MFN2: variants seen among roughly 807,000 people sequenced by gnomAD.
MFN2 encodes the protein mitofusin-2.
Under a neutral mutation model 87.5 loss-of-function variants are expected in MFN2, and 43 were observed. The observed-to-expected ratio is 0.49, with a 90% CI of 0.38 to 0.63. The LOEUF (loss-of-function observed/expected upper bound fraction) is 0.63, where lower values mean the gene tolerates loss of function less well. Among genes scored for constraint, MFN2 ranks in the 30% least tolerant of loss-of-function variants. MFN2 has a pLI of 0.00. For missense variants in MFN2, 743 were observed against 972.8 expected, an observed-to-expected ratio of 0.76 and a Z score of 3.14; for synonymous variants, 337 against 359.9, an observed-to-expected ratio of 0.94 and a Z score of 0.72.
At chr1:11,998,172 G>A (rs1215369379) in intron 6 of MFN2, among the ~76,000 whole-genome samples, 5 of 151,760 alleles carry the variant, frequency 3.3e-5, no homozygotes, top group South Asian at 4.2e-4. Context: ...ATGAGCCACT[G>A]TGCCCCGCCT....
In MFN2 at chr1:12,004,635, C is replaced by T. The variant is rs199693982; in HGVS notation, c.1392+22C>T. 1.4e-4 allele frequency: 223 copies of T among 1,608,168 alleles called. No homozygotes were observed. The African/African-American group carries it at 2.8e-3, about 20-fold the overall frequency. On this transcript the variant is annotated intron_variant, in intron 13 of 18. Transcript: ENST00000235329. This position sits in a 1 kb window ranked among gnomAD's most constrained non-coding sequence, Gnocchi z 4.2. ...GAATGTGAGTCATGGAGCAACAGGT[C>T]CTCTTGGCAGGAGGCCCCCAAAAGT...
At chr1:11,989,924 G>A (rs1638601625) in intron 3 of MFN2, among the ~76,000 whole-genome samples, 2 of 152,316 alleles carry the variant, frequency 1.3e-5, no homozygotes, top group Admixed American at 6.5e-5. Context: ...GGCCCCGCTC[G>A]TCTGAGTGTC....
At chr1:11,996,035 G>T in intron 4 of MFN2, 121 bp from the exon 5 acceptor site, 4 of 1,265,332 alleles carry the variant, frequency 3.2e-6, no homozygotes, top group Non-Finnish European at 4.6e-6. Flanking sequence ...TCTCAGCACT[G>T]TCTGGGCACT....
intron 17 of MFN2, among the ~76,000 whole-genome samples, chr1:12,009,005 G>A (rs1336363331): frequency 6.6e-6 from 1 of 152,230 alleles, no homozygotes; most frequent in African/African-American, 2.4e-5. Context: ...GGAGACCAGC[G>A]CGGCCAACAC....
Position 12,010,860 on chromosome 1 carries a change from G to A in MFN2, c.2205-636G>A, listed in dbSNP as rs549224059. ...GGGACCCTGCAGAAGTCCTCGGCCT[G>A]CCTAGCCCATGATAGCATCAGCACA... On this transcript the variant is annotated intron_variant, in intron 18 of 18. Transcript: ENST00000235329. Among the ~76,000 whole-genome samples the A allele has an allele frequency of 2.6e-5, 4 of 152,042 alleles. No individual in the cohort carries two copies. The South Asian group carries it at 8.4e-4, about 32-fold the overall frequency.
chr1:12,004,439 C>A lies in MFN2; in HGVS notation c.1288-70C>A. On this transcript the variant is annotated intron_variant, in intron 12 of 18. Transcript: ENST00000235329. This position sits in a 1 kb window ranked among gnomAD's most constrained non-coding sequence, Gnocchi z 4.2. The stretch of plus-strand genomic sequence containing the variant: ...GGAAGGATGTGCCATCTGCTAGGAT[C>A]TCTCCTGGTGCTGCAGGAGTGAACT... 7.5e-7 allele frequency: 1 copy of A among 1,326,010 alleles called. No individual in the cohort carries two copies. The highest frequency in any genetic ancestry group is 1.1e-6 in the Non-Finnish European group (1 of 917,698). 82.1% of individuals were successfully genotyped at this position (1,326,010 alleles called of 1,614,324 possible).
chr1:11,985,553 A>C (rs966817886), intron 2 of MFN2, among the ~76,000 whole-genome samples: 2 of 141,688 alleles, frequency 1.4e-5, no homozygotes, highest in African/African-American at 5.4e-5. Context: ...TGCAAATTCT[A>C]CCTCCCAGGT....
intron 11 of MFN2, among the ~76,000 whole-genome samples, chr1:12,002,311 T>C (rs1261100529): frequency 1.3e-5 from 2 of 152,232 alleles, no homozygotes; most frequent in African/African-American, 4.8e-5. Context: ...CCCCACCTGG[T>C]CTGTGCAGCA....
At chr1:11,994,418 C>T (rs1210527585) in intron 4 of MFN2, among the ~76,000 whole-genome samples, 1 of 152,126 alleles carries the variant, frequency 6.6e-6, no homozygotes, top group East Asian at 1.9e-4. Context: ...GAAACCCCAT[C>T]TCTACTAAAA....
intron 3 of MFN2, 21 bp from the exon 4 acceptor site, chr1:11,992,534 A>G (rs1438451095): frequency 6.2e-7 from 1 of 1,614,050 alleles, no homozygotes; most frequent in Admixed American, 1.7e-5. Flanking sequence ...GTGGTGACCC[A>G]TTTTCAATCC....
intron 15 of MFN2, 22 bp from the exon 16 acceptor site, chr1:12,006,516 C>G (rs776282810): frequency 6.2e-7 from 1 of 1,613,796 alleles, no homozygotes; most frequent in Non-Finnish European, 8.5e-7. Flanking sequence ...CCCCCTCACC[C>G]CTCTCATGTT....
chr1:11,996,384 G>C, intron 5 of MFN2, 66 bp downstream of exon 5: 1 of 1,591,738 alleles, frequency 6.3e-7, no homozygotes, highest in Non-Finnish European at 8.6e-7. Flanking sequence ...GTTGTGACAC[G>C]GCTGACCTCA....
chr1:12,006,236 A>T (rs1639409577), intron 15 of MFN2, among the ~76,000 whole-genome samples: 1 of 151,830 alleles, frequency 6.6e-6, no homozygotes, highest in Admixed American at 6.5e-5. Flanking sequence ...TAAAGTTCAG[A>T]TTTTAAAAAC....
intron 3 of MFN2, among the ~76,000 whole-genome samples, chr1:11,989,670 G>A (rs914912181): frequency 1.1e-4 from 16 of 152,150 alleles, no homozygotes; most frequent in Non-Finnish European, 1.5e-5. Flanking sequence ...AATAGATCAG[G>A]GTTTTACCCA....
chr1:12,006,813 C>G lies in MFN2; in HGVS notation c.1872+120C>G, dbSNP rs1490844642. On this transcript the variant is annotated intron_variant, in intron 16 of 18. Transcript: ENST00000235329. ...CACTCCACAGTCCACTGCATACTTT[C>G]TCCTCTGTGATTGCATGGGGAGCGC... is the stretch of plus-strand genomic sequence containing the variant. 4.8e-6 allele frequency: 7 copies of G among 1,448,550 alleles called. No homozygotes were observed. In the East Asian group the frequency reaches 9.2e-5, roughly 19 times the overall value. The allele number at this position is 1,448,550 out of a possible 1,614,324, so 89.7% of individuals were successfully genotyped here.
rs35141271 is a variant in MFN2, at chr1:11,997,038, CAAA to C, written c.475-242_475-240del. ...TGGGTGACAGAGCGAGACTCCGTCT[CAAA>C]AAAAAAAAAAAAAAAAGAATCAATC... is the stretch of plus-strand genomic sequence containing the variant. On this transcript the variant is annotated intron_variant, in intron 5 of 18. Transcript: ENST00000235329. 2.4e-4 allele frequency among the ~76,000 whole-genome samples: 24 copies of C among 99,794 alleles called. No homozygotes were observed. In the South Asian group the frequency reaches 3.3e-3, roughly 14 times the overall value. The allele number at this position is 99,794 out of a possible 152,430, so 65.5% of individuals were successfully genotyped here.
chr1:12,009,598 G>C lies in MFN2; in HGVS notation c.2076G>C (p.Leu692=). 3 of 1,614,252 alleles carry C rather than the reference G, an allele frequency of 1.9e-6. No homozygotes were observed. The highest frequency in any genetic ancestry group is 2.5e-6 in the Non-Finnish European group (3 of 1,180,040). The change falls in exon 18 of 19, where the codon CTG becomes CTC. Residue 692 remains leucine (L), a synonymous_variant. Coordinates refer to ENST00000235329, the MANE Select transcript of MFN2 (RefSeq NM_014874.4). ...CCTTCTCTCTCCTCCCCAGGGAACT[G>C]TCTGGGACCTTTGCTCATCTGTGTC... is the stretch of plus-strand genomic sequence containing the variant. ...SNCSHQVQQE[L]SGTFAHLCQQ... is the part of the protein sequence containing the mutation.
intron 2 of MFN2, among the ~76,000 whole-genome samples, chr1:11,987,935 C>G (rs1638492586): frequency 6.6e-6 from 1 of 152,076 alleles, no homozygotes; most frequent in African/African-American, 2.4e-5. Flanking sequence ...CAGGTAACAG[C>G]GAGATCTTGT....
chr1:12,009,150 G>A (rs1639575957), intron 17 of MFN2, among the ~76,000 whole-genome samples: 1 of 152,240 alleles, frequency 6.6e-6, no homozygotes, highest in South Asian at 2.1e-4. Context: ...GATGGCGGCA[G>A]TACAGTCCAG....
Sources: gnomAD v4.1 joint callset for allele counts (sites outside exome capture counted in the v4.1 genomes callset) on GRCh38, gnomAD v4.1.1 for gene constraint, Gnocchi (gnomAD v3.1) non-coding constraint, MANE v1.5 for transcripts, NCBI Gene and HGNC (gene_info 2026-07-23, HGNC 2026-07-21) for gene names.